SLC9A9: variants seen among roughly 807,000 people sequenced by gnomAD.
SLC9A9 encodes the protein solute carrier family 9 member A9.
In SLC9A9, 62 loss-of-function variants were observed where a neutral mutation model predicts 77.8. The observed-to-expected ratio is 0.80, with a 90% CI of 0.65 to 0.98. SLC9A9 has a LOEUF of 0.98. Ranked by LOEUF, SLC9A9 falls within the 50% of genes least tolerant of loss-of-function variation. SLC9A9 has a pLI of 0.00. For missense variants in SLC9A9, 775 were observed against 774.9 expected, an observed-to-expected ratio of 1.00 and a Z score of 0.00; for synonymous variants, 320 against 283.5, an observed-to-expected ratio of 1.13 and a Z score of -1.29.
intron 2 of SLC9A9, among the ~76,000 whole-genome samples, chr3:143,799,086 A>G (rs2008474221): frequency 6.6e-6 from 1 of 152,164 alleles, no homozygotes; most frequent in South Asian, 2.1e-4. Context: ...CCTCTTAAAA[A>G]GGTGGCTGGA....
intron 13 of SLC9A9, chr3:143,381,293 T>C (rs756413016): frequency 1.3e-5 from 2 of 152,230 alleles, no homozygotes; most frequent in Non-Finnish European, 2.9e-5. Flanking sequence ...CATGCTGTTC[T>C]TGTGACAGTG....
chr3:143,267,989 C>T (rs1236969432), intron 15 of SLC9A9, among the ~76,000 whole-genome samples: 1 of 152,128 alleles, frequency 6.6e-6, no homozygotes, highest in Non-Finnish European at 1.5e-5. Context: ...GTTTCTGAGG[C>T]GGGGCCTGAG....
At chr3:143,405,609 G>T (rs2033961290) in intron 12 of SLC9A9, among the ~76,000 whole-genome samples, 1 of 152,184 alleles carries the variant, frequency 6.6e-6, no homozygotes, top group African/African-American at 2.4e-5. Context: ...ATATAGGTGG[G>T]GAAAGGGAGC....
At chr3:143,658,309 CCT>C (rs1560016766) in intron 5 of SLC9A9, among the ~76,000 whole-genome samples, 2 of 152,212 alleles carry the variant, frequency 1.3e-5, no homozygotes, top group Non-Finnish European at 1.5e-5. Flanking sequence ...TAACTTATTT[CCT>C]CTCTGTTGAG....
chr3:143,649,035 C>A (rs1372449264), intron 6 of SLC9A9, among the ~76,000 whole-genome samples: 11 of 152,158 alleles, frequency 7.2e-5, no homozygotes, highest in Non-Finnish European at 5.9e-5. Flanking sequence ...TTTTTGTTGA[C>A]CTCAGTTTAG....
chr3:143,406,698 G>C (rs1421820150), intron 12 of SLC9A9, among the ~76,000 whole-genome samples: 2 of 151,930 alleles, frequency 1.3e-5, no homozygotes, highest in African/African-American at 4.8e-5. Context: ...AAATTAGGCC[G>C]GGCATGGTGG....
rs553813304 is a variant in SLC9A9, at chr3:143,390,664, C to T, written c.1470-8550G>A. Among the ~76,000 whole-genome samples the T allele has an allele frequency of 1.3e-4, 20 of 152,288 alleles. No homozygotes were observed. In the East Asian group the frequency reaches 1.5e-3, roughly 12 times the overall value. On this transcript the variant is annotated intron_variant, in intron 12 of 15. Coordinates refer to ENST00000316549, the MANE Select transcript of SLC9A9 (RefSeq NM_173653.4). ...AAGCAGGGCGAGGCGTCGCCTCACC[C>T]GGGAAGTGCAAGGGGTCAGAGAATT...
chr3:143,366,660 A>G (rs1170031045), intron 13 of SLC9A9, among the ~76,000 whole-genome samples: 1 of 152,202 alleles, frequency 6.6e-6, no homozygotes, highest in Non-Finnish European at 1.5e-5. Context: ...CACTATTCTA[A>G]GTACTTTTCA....
At chr3:143,791,785 G>A (rs763392572) in intron 4 of SLC9A9, among the ~76,000 whole-genome samples, 7 of 152,200 alleles carry the variant, frequency 4.6e-5, no homozygotes, top group Middle Eastern at 3.4e-3. Flanking sequence ...GCAAATCTGC[G>A]TATATCTGCA....
At chr3:143,428,728 G>GAC (rs936040932) in intron 12 of SLC9A9, among the ~76,000 whole-genome samples, 1 of 151,986 alleles carries the variant, frequency 6.6e-6, no homozygotes, top group Admixed American at 6.6e-5. Flanking sequence ...CACACACACA[G>GAC]ACACACACAC....
At chr3:143,599,805 G>T (rs1294614071) in intron 6 of SLC9A9, among the ~76,000 whole-genome samples, 1 of 152,106 alleles carries the variant, frequency 6.6e-6, no homozygotes, top group Non-Finnish European at 1.5e-5. Context: ...AAATCAAAGG[G>T]TCTCAGAATA....
At chr3:143,635,816 C>T (rs1057325793) in intron 6 of SLC9A9, among the ~76,000 whole-genome samples, 1 of 152,186 alleles carries the variant, frequency 6.6e-6, no homozygotes, top group Non-Finnish European at 1.5e-5. Context: ...AGCATCTTAC[C>T]ATCTCTTGTT....
chr3:143,842,483 G>A (rs1458128111), intron 1 of SLC9A9, among the ~76,000 whole-genome samples: 1 of 152,218 alleles, frequency 6.6e-6, no homozygotes, highest in Non-Finnish European at 1.5e-5. Context: ...TCTGGCAAAT[G>A]TATTAACACA....
intron 2 of SLC9A9, among the ~76,000 whole-genome samples, chr3:143,818,767 T>C (rs1415275187): frequency 3.3e-5 from 5 of 152,124 alleles, no homozygotes; most frequent in African/African-American, 1.2e-4. Context: ...AAACTTAGTA[T>C]TATGAATGTT....
chr3:143,436,169 C>T (rs976828116), intron 12 of SLC9A9, among the ~76,000 whole-genome samples: 8 of 152,046 alleles, frequency 5.3e-5, no homozygotes, highest in South Asian at 2.1e-4. Flanking sequence ...CCACTGGTAC[C>T]GGGAGAAGTG....
intron 9 of SLC9A9, among the ~76,000 whole-genome samples, chr3:143,547,505 C>T (rs1301782529): frequency 6.6e-6 from 1 of 152,234 alleles, no homozygotes; most frequent in Non-Finnish European, 1.5e-5. Context: ...AACGTACGTA[C>T]ATGCCTGTAC....
chr3:143,745,879 T>C (rs1935187193), intron 4 of SLC9A9, among the ~76,000 whole-genome samples: 1 of 152,176 alleles, frequency 6.6e-6, no homozygotes, highest in African/African-American at 2.4e-5. Flanking sequence ...AGCCTTTTGA[T>C]AGGGTGATCT....
intron 6 of SLC9A9, among the ~76,000 whole-genome samples, chr3:143,626,223 C>A (rs9758732): frequency 0.017 from 2,635 of 152,270 alleles, 88 homozygotes; most frequent in African/African-American, 0.059. Flanking sequence ...CCTCAGGGAT[C>A]TAGAACTAGA....
intron 9 of SLC9A9, chr3:143,517,748 A>G: frequency 6.3e-7 from 1 of 1,598,082 alleles, no homozygotes; most frequent in Non-Finnish European, 8.5e-7. Flanking sequence ...TGGCTTCTGT[A>G]ATTTGACGAA....
Sources: allele counts gnomAD v4.1 joint callset (sites outside exome capture counted in the v4.1 genomes callset), GRCh38; gene constraint gnomAD v4.1.1; transcripts MANE v1.5; gene names NCBI Gene and HGNC (gene_info 2026-07-23, HGNC 2026-07-21).